Variants in NDUFAF1 observed in about 807,000 individuals in gnomAD.
The protein encoded by NDUFAF1 is complex I intermediate-associated protein 30, mitochondrial.
NDUFAF1 carries 18 observed loss-of-function variants against 28.7 expected under a neutral mutation model. That is an observed-to-expected ratio of 0.63 (90% confidence interval 0.43 to 0.93). The LOEUF (loss-of-function observed/expected upper bound fraction) is 0.93. Among genes scored for constraint, NDUFAF1 ranks in the 40% least tolerant of loss-of-function variants. NDUFAF1 has a pLI of 0.00. For missense variants in NDUFAF1, 404 were observed against 398.3 expected (o/e 1.01, Z -0.12); for synonymous variants, 113 against 139.7 (o/e 0.81, Z 1.35).
chr15:41,397,163 G>C, intron 1 of NDUFAF1, 23 bp from the exon 2 acceptor site: 1 of 904,828 alleles, frequency 1.1e-6, no homozygotes, highest in South Asian at 1.5e-5. Flanking sequence ...AGACATTGAA[G>C]AATTATCAGC....
chr15:41,396,770 A>C lies in NDUFAF1; in HGVS notation c.290T>G (p.Leu97Trp), dbSNP rs751146273. 5.6e-6 allele frequency: 9 copies of C among 1,613,996 alleles called. No homozygotes were observed. In the Admixed American group the frequency reaches 1.5e-4, roughly 27 times the overall value. ...CCAATGATCCACAATTTCATCCTTC[A>C]AAAGCCTAAAATGGTATATTGCTTC... ...RDEAIYHFRL[L>W]KDEIVDHWRG... Residue 97 changes from leucine (L) to tryptophan (W), a missense_variant, in exon 2 of 5, where the codon TTG (leucine) becomes TGG (tryptophan). Transcript: ENST00000260361.
chr15:41,394,474 A>C, intron 3 of NDUFAF1: 1 of 792,452 alleles, frequency 1.3e-6, no homozygotes, highest in Admixed American at 2.4e-5. Context: ...CATATCAAAA[A>C]TATTCACTAG....
rs966020201 is a variant in NDUFAF1 at position 41,396,725 on chromosome 15, G to C, written c.335C>G (p.Pro112Arg). ...VDHWRGPEGH[P>R]LHEVLLEQAK... ...TTGTTCCAGCAAGACCTCATGCAGA[G>C]GGTGGCCTTCCGGTCCTCTCCAATG... is the stretch of plus-strand genomic sequence containing the variant. Residue 112 changes from proline to arginine, a missense_variant, in exon 2 of 5, where the codon CCT (proline) becomes CGT (arginine). By Grantham distance (103) the Pro-to-Arg change is moderately radical. Coordinates refer to ENST00000260361, the MANE Select transcript of NDUFAF1 (RefSeq NM_016013.4). 6.2e-7 allele frequency: 1 copy of C among 1,614,038 alleles called. No individual in the cohort carries two copies. The highest frequency in any genetic ancestry group is 1.3e-5 in the African/African-American group (1 of 74,896).
intron 1 of NDUFAF1, among the ~76,000 whole-genome samples, chr15:41,400,860 C>T (rs1410818356): frequency 6.6e-6 from 1 of 151,314 alleles, no homozygotes; most frequent in Non-Finnish European, 1.5e-5. Flanking sequence ...TTCATATCAC[C>T]CTGATATATA....
chr15:41,395,528 C>A (rs1358210772), intron 2 of NDUFAF1, among the ~76,000 whole-genome samples: 1 of 150,960 alleles, frequency 6.6e-6, no homozygotes, highest in African/African-American at 2.4e-5. Flanking sequence ...CAAAACCACA[C>A]CCGGCTAATT....
chr15:41,394,420 A>C (rs552234948), intron 3 of NDUFAF1: 7 of 1,279,542 alleles, frequency 5.5e-6, no homozygotes, highest in Non-Finnish European at 7.1e-6. Flanking sequence ...ATTTGGACAC[A>C]GAGCAGAGAT....
intron 1 of NDUFAF1, among the ~76,000 whole-genome samples, chr15:41,399,828 C>T (rs1275269234): frequency 1.5e-5 from 2 of 136,580 alleles, no homozygotes; most frequent in African/African-American, 5.6e-5. Flanking sequence ...TGCACTCCAG[C>T]CTGGGCGACA....
At chr15:41,400,287 C>T (rs999493480) in intron 1 of NDUFAF1, among the ~76,000 whole-genome samples, 30 of 146,770 alleles carry the variant, frequency 2.0e-4, no homozygotes, top group African/African-American at 7.6e-4. Context: ...AGGAGAATAG[C>T]TTGAACAGGA....
At chr15:41,388,423 A>G in intron 4 of NDUFAF1, 25 bp downstream of exon 4, 1 of 1,539,518 alleles carries the variant, frequency 6.5e-7, no homozygotes, top group Non-Finnish European at 9.0e-7. Flanking sequence ...TACAGTTCTG[A>G]GTGAAAAATA....
At chr15:41,395,594 T>G (rs917745140) in intron 2 of NDUFAF1, among the ~76,000 whole-genome samples, 1 of 150,924 alleles carries the variant, frequency 6.6e-6, no homozygotes, top group Non-Finnish European at 1.5e-5. Context: ...ATGGTCTCGA[T>G]CTCCTGACCT....
At chr15:41,393,316 T>TG (rs2050338753) in intron 3 of NDUFAF1, among the ~76,000 whole-genome samples, 1 of 143,204 alleles carries the variant, frequency 7.0e-6, no homozygotes, top group Non-Finnish European at 1.5e-5. Flanking sequence ...TTTTTTTTTT[T>TG]GAGACGAAGT....
At chr15:41,391,548 C>G (rs971956868) in intron 3 of NDUFAF1, among the ~76,000 whole-genome samples, 16 of 148,952 alleles carry the variant, frequency 1.1e-4, no homozygotes, top group African/African-American at 3.5e-4. Flanking sequence ...CAAAGGTTGC[C>G]GTAAGCTGGA....
chr15:41,402,536 T>A (rs116737075), upstream of NDUFAF1: 1,897 of 316,966 alleles, frequency 6.0e-3, 40 homozygotes, highest in African/African-American at 0.038. Context: ...AAACAAGGCG[T>A]CAGAACACCA....
At chr15:41,398,480 T>TG (rs1386088776) in intron 1 of NDUFAF1, among the ~76,000 whole-genome samples, 7 of 137,760 alleles carry the variant, frequency 5.1e-5, no homozygotes, top group East Asian at 4.4e-4. Flanking sequence ...AAATTCCATG[T>TG]GAAAAAAAAA....
rs1412527543 is a variant in NDUFAF1 at position 41,396,536 on chromosome 15, C to G, written c.524G>C (p.Gly175Ala). The change falls in exon 2 of 5, where the codon GGG becomes GCG. Residue 175 changes from glycine (G) to alanine (A), a missense_variant. Coordinates refer to ENST00000260361, the MANE Select transcript of NDUFAF1 (RefSeq NM_016013.4). Reference protein sequence around the residue: ...GTLSSEAPQDGESTRSGYCAM... With the variant: ...GTLSSEAPQDAESTRSGYCAM... ...ACAGTACCCACTTCGGGTAGACTCC[C>G]CGTCCTGAGGCGCCTCAGAGCTCAG... is the stretch of plus-strand genomic sequence containing the variant. 1.2e-6 allele frequency: 2 copies of G among 1,614,150 alleles called. No homozygotes were observed. The highest frequency in any genetic ancestry group is 4.5e-5 in the East Asian group (2 of 44,874).
intron 3 of NDUFAF1, among the ~76,000 whole-genome samples, chr15:41,391,057 A>G (rs1176282277): frequency 6.6e-6 from 1 of 152,006 alleles, no homozygotes; most frequent in East Asian, 1.9e-4. Flanking sequence ...TAAAATAAAA[A>G]TAGTATTTTA....
chr15:41,390,737 AATAG>A (rs1297968819), intron 3 of NDUFAF1, among the ~76,000 whole-genome samples: 1 of 150,388 alleles, frequency 6.6e-6, no homozygotes, highest in African/African-American at 2.5e-5. Flanking sequence ...AAAAAAAAAA[AATAG>A]TATTTTATCT....
chr15:41,394,466 T>G, intron 3 of NDUFAF1: 1 of 851,596 alleles, frequency 1.2e-6, no homozygotes, highest in Non-Finnish European at 1.7e-6. Flanking sequence ...GCCACATCCA[T>G]ATCAAAAATA....
intron 1 of NDUFAF1, among the ~76,000 whole-genome samples, chr15:41,401,420 G>A (rs955831115): frequency 1.3e-5 from 2 of 149,464 alleles, no homozygotes; most frequent in South Asian, 4.2e-4. Context: ...ACAGGTGCCC[G>A]CCACCATGCC....
Sources: allele counts gnomAD v4.1 joint callset (sites outside exome capture counted in the v4.1 genomes callset), GRCh38; gene constraint gnomAD v4.1.1; transcripts MANE v1.5; gene names NCBI Gene and HGNC (gene_info 2026-07-23, HGNC 2026-07-21).